Variants in GALNT17 observed in about 807,000 individuals in gnomAD.
The protein encoded by GALNT17 is polypeptide N-acetylgalactosaminyltransferase 17.
A neutral mutation model predicts 63.7 loss-of-function variants in GALNT17; 29 were observed. The ratio of observed to expected loss-of-function variants is 0.46; its 90% CI spans 0.34 to 0.62. The LOEUF (loss-of-function observed/expected upper bound fraction) is 0.62. GALNT17 is among the 20% of genes least tolerant of loss of function. The pLI is 0.01. For missense variants in GALNT17, 603 were observed against 799.6 expected (o/e 0.75, Z 2.97); for synonymous variants, 305 against 318.3 (o/e 0.96, Z 0.45).
intron 1 of GALNT17, among the ~76,000 whole-genome samples, chr7:71,233,145 C>T (rs1789824878): frequency 6.6e-6 from 1 of 152,202 alleles, no homozygotes; most frequent in Non-Finnish European, 1.5e-5. Context: ...ACCCTGGTGG[C>T]TCTCTGCCCC....
At chr7:71,157,730 G>T (rs907859837) in intron 1 of GALNT17, among the ~76,000 whole-genome samples, 1 of 151,742 alleles carries the variant, frequency 6.6e-6, no homozygotes, top group Non-Finnish European at 1.5e-5. Flanking sequence ...TGTACAGCTC[G>T]GTAGTAACAA....
intron 5 of GALNT17, among the ~76,000 whole-genome samples, chr7:71,494,836 A>G (rs753935665): frequency 6.6e-6 from 1 of 152,228 alleles, no homozygotes; most frequent in Non-Finnish European, 1.5e-5. Context: ...CACGTCTTAC[A>G]TGGCAGCAGG....
At chr7:71,187,888 A>G (rs1788881464) in intron 1 of GALNT17, among the ~76,000 whole-genome samples, 1 of 152,054 alleles carries the variant, frequency 6.6e-6, no homozygotes, top group Non-Finnish European at 1.5e-5. Context: ...CACCCTTTCC[A>G]CCTGAGTCTC....
At chr7:71,208,545 G>A (rs372963319) in intron 1 of GALNT17, among the ~76,000 whole-genome samples, 29 of 150,930 alleles carry the variant, frequency 1.9e-4, no homozygotes, top group African/African-American at 6.3e-4. Flanking sequence ...TGACCTCCTG[G>A]GCTCAAATGA....
chr7:71,658,820 G>A (rs1173946157), intron 6 of GALNT17, among the ~76,000 whole-genome samples: 4 of 152,092 alleles, frequency 2.6e-5, no homozygotes, highest in Admixed American at 6.5e-5. Flanking sequence ...TCTGGGAGGC[G>A]GAGGTTGCGG....
chr7:71,165,883 C>T (rs772213208), intron 1 of GALNT17, among the ~76,000 whole-genome samples: 4 of 152,010 alleles, frequency 2.6e-5, no homozygotes, highest in Non-Finnish European at 5.9e-5. Context: ...TGTAAATAAA[C>T]CTCCCTGACT....
intron 1 of GALNT17, among the ~76,000 whole-genome samples, chr7:71,298,001 C>T (rs966385768): frequency 2.6e-5 from 4 of 152,182 alleles, no homozygotes; most frequent in African/African-American, 7.2e-5. Flanking sequence ...TGTCAAACCT[C>T]GTTGAACTCA....
intron 1 of GALNT17, among the ~76,000 whole-genome samples, chr7:71,135,392 C>G (rs1307191991): frequency 2.0e-5 from 3 of 152,188 alleles, no homozygotes; most frequent in African/African-American, 7.2e-5. Context: ...CTACTTTCTA[C>G]TTGCCACAGA....
chr7:71,208,907 T>TGATTTGCTAC (rs1364557593), intron 1 of GALNT17, among the ~76,000 whole-genome samples: 1 of 152,232 alleles, frequency 6.6e-6, no homozygotes, highest in Non-Finnish European at 1.5e-5. Flanking sequence ...TATAATTACT[T>TGATTTGCTAC]GATTTGCTAC....
chr7:71,451,459 A>G (rs1787261544), intron 5 of GALNT17, among the ~76,000 whole-genome samples: 1 of 152,142 alleles, frequency 6.6e-6, no homozygotes, highest in African/African-American at 2.4e-5. Flanking sequence ...AATAGCATTT[A>G]TCAGTGTTTT....
chr7:71,283,713 T>C, intron 1 of GALNT17, among the ~76,000 whole-genome samples: 1 of 152,118 alleles, frequency 6.6e-6, no homozygotes, highest in Non-Finnish European at 1.5e-5. Context: ...TTCTTGTGAG[T>C]GAGTTCTCAT....
chr7:71,591,087 C>T (rs1393663161), intron 6 of GALNT17, among the ~76,000 whole-genome samples: 2 of 150,542 alleles, frequency 1.3e-5, no homozygotes, highest in African/African-American at 4.9e-5. Flanking sequence ...GACGGAGTCT[C>T]GCTCTGTCTC....
chr7:71,669,910 G>C, intron 7 of GALNT17, 62 bp from the exon 8 acceptor site: 1 of 1,593,616 alleles, frequency 6.3e-7, no homozygotes, highest in Non-Finnish European at 8.6e-7. Context: ...GACTCCACCT[G>C]TGCCCCACTC....
At chr7:71,216,748 G>A (rs1214122587) in intron 1 of GALNT17, among the ~76,000 whole-genome samples, 2 of 150,766 alleles carry the variant, frequency 1.3e-5, no homozygotes, top group African/African-American at 2.4e-5. Flanking sequence ...ACACACAAAT[G>A]CACATATATA....
At chr7:71,709,019 C>A (rs1450646699) in intron 9 of GALNT17, among the ~76,000 whole-genome samples, 1 of 152,122 alleles carries the variant, frequency 6.6e-6, no homozygotes, top group Non-Finnish European at 1.5e-5. Flanking sequence ...CTGCAATGAA[C>A]GTGTAAGTGC....
At chr7:71,473,779 T>G (rs1787680414) in intron 5 of GALNT17, among the ~76,000 whole-genome samples, 1 of 152,188 alleles carries the variant, frequency 6.6e-6, no homozygotes, top group Non-Finnish European at 1.5e-5. Context: ...TGTCAGGGAC[T>G]CAATTTTATA....
intron 2 of GALNT17, among the ~76,000 whole-genome samples, chr7:71,371,305 A>T (rs1792619344): frequency 6.6e-6 from 1 of 152,234 alleles, no homozygotes; most frequent in South Asian, 2.1e-4. Flanking sequence ...AAGAACAGAA[A>T]AAGTATAAAG....
chr7:71,157,336 G>T (rs1297164044), intron 1 of GALNT17, among the ~76,000 whole-genome samples: 1 of 151,384 alleles, frequency 6.6e-6, no homozygotes, highest in Non-Finnish European at 1.5e-5. Context: ...GCCTCTAGTA[G>T]ATTTCTTTAA....
chr7:71,300,234 C>A, intron 1 of GALNT17: 1 of 289,638 alleles, frequency 3.5e-6, no homozygotes, highest in Non-Finnish European at 6.9e-6. Flanking sequence ...AGTTGGGACT[C>A]CTTTTAGTAA....
Sources: allele counts gnomAD v4.1 joint callset (sites outside exome capture counted in the v4.1 genomes callset), GRCh38; gene constraint gnomAD v4.1.1; transcripts MANE v1.5; gene names NCBI Gene and HGNC (gene_info 2026-07-23, HGNC 2026-07-21).